The following CATSPERG variants were observed in gnomAD, a reference collection of about 807,000 sequenced individuals.
CATSPERG encodes the protein catsper channel auxiliary subunit gamma, also known as cation channel sperm-associated auxiliary subunit gamma.
A neutral mutation model predicts 145.0 loss-of-function variants in CATSPERG; 115 were observed. That is an observed-to-expected ratio of 0.79 (90% CI 0.68 to 0.93). The LOEUF (loss-of-function observed/expected upper bound fraction) is 0.93, where lower values mean the gene tolerates loss of function less well. Among genes scored for constraint, CATSPERG ranks in the 40% least tolerant of loss-of-function variants. The pLI, the probability that CATSPERG is intolerant of heterozygous loss-of-function variation, is 0.00. For missense variants in CATSPERG, 1,296 were observed against 1,490.1 expected (o/e 0.87, Z 2.14); for synonymous variants, 588 against 589.0 (o/e 1.00, Z 0.02).
In CATSPERG at chr19:38,370,706, T is replaced by C; in HGVS notation, c.3394T>C (p.Ser1132Pro). The C allele has an allele frequency of 6.2e-7, 1 of 1,613,952 alleles. No individual in the cohort carries two copies. Among genetic ancestry groups the C allele is most frequent in the Non-Finnish European group, 8.5e-7 (1 of 1,179,990 alleles). ...CTCGAGCATGCCGTCTCTGAGACAT[T>C]CCAGGATGGGCTCCATGTTCAGCTC... The part of the protein sequence containing the change: ...GISSMPSLRH[S>P]RMGSMFSSRM... The change falls in exon 29 of 29, where the codon TCC becomes CCC. Residue 1132 changes from serine (S) to proline (P), a missense_variant. Coordinates refer to ENST00000409235, the MANE Select transcript of CATSPERG (RefSeq NM_021185.5).
intron 17 of CATSPERG, 70 bp from the exon 18 acceptor site, chr19:38,362,140 G>T (rs1434592822): frequency 2.7e-6 from 4 of 1,507,546 alleles, no homozygotes; most frequent in African/African-American, 1.4e-5. Context: ...AGGTGGTCTG[G>T]GGATGCCGCT....
chr19:38,363,584 T>A (rs944335588), intron 20 of CATSPERG, among the ~76,000 whole-genome samples: 7 of 151,372 alleles, frequency 4.6e-5, no homozygotes, highest in Non-Finnish European at 8.8e-5. Context: ...CAAAGGTCTC[T>A]GGTTTTCCTA....
intron 9 of CATSPERG, 101 bp from the exon 10 acceptor site, chr19:38,356,383 C>T (rs891417821): frequency 4.1e-6 from 4 of 965,978 alleles, no homozygotes; most frequent in Admixed American, 3.7e-5. Flanking sequence ...ATCCCAAGGA[C>T]GGAGGGGCTG....
At chr19:38,351,962 A>G (rs1327970710) in intron 7 of CATSPERG, among the ~76,000 whole-genome samples, 1 of 152,106 alleles carries the variant, frequency 6.6e-6, no homozygotes, top group Non-Finnish European at 1.5e-5. Context: ...TAGGTATAAC[A>G]CTGACTGTAG....
At position 38,359,478 on chromosome 19, in the gene CATSPERG, A is replaced by G. The variant is rs371718026; in HGVS notation, c.1505A>G (p.Lys502Arg). 222 of 1,612,374 alleles carry G rather than the reference A, an allele frequency of 1.4e-4. No individual in the cohort carries two copies. The highest frequency in any genetic ancestry group is 1.8e-4 in the Non-Finnish European group (211 of 1,178,650). Residue 502 changes from lysine (K) to arginine (R), a missense_variant, in exon 14 of 29, where the codon AAG becomes AGG. By Grantham distance (26) the Lys-to-Arg change is conservative. Coordinates refer to ENST00000409235, the MANE Select transcript of CATSPERG (RefSeq NM_021185.5). ...WGNFLLQSSNKENFIYLADFP... is the reference protein window; with the variant it reads ...WGNFLLQSSNRENFIYLADFP... The stretch of plus-strand genomic sequence containing the variant: ...CATCTCTGTCCCTGCAGCTCTAACA[A>G]GGAAAACTTCATCTACCTGGCAGAC...
At chr19:38,362,689 T>G (rs1234478125) in intron 19 of CATSPERG, 25 bp from the exon 20 acceptor site, 2 of 1,612,360 alleles carry the variant, frequency 1.2e-6, no homozygotes, top group Admixed American at 3.3e-5. Flanking sequence ...AGGGAGGCCT[T>G]AACCCCGTTT....
intron 3 of CATSPERG, 133 bp from the exon 4 acceptor site, chr19:38,343,447 C>A: frequency 1.2e-6 from 1 of 806,524 alleles, no homozygotes; most frequent in Non-Finnish European, 1.9e-6. Context: ...AGACCATGTC[C>A]TCTGACCATC....
At chr19:38,355,389 G>T (rs914103052) in intron 9 of CATSPERG, among the ~76,000 whole-genome samples, 4 of 146,124 alleles carry the variant, frequency 2.7e-5, no homozygotes, top group Non-Finnish European at 6.0e-5. Context: ...AATAGCAGAA[G>T]CCCAATTCAA....
chr19:38,336,448 C>G, intron 1 of CATSPERG: 1 of 300,924 alleles, frequency 3.3e-6, no homozygotes, highest in South Asian at 2.6e-5. Flanking sequence ...AGTAGGGGCG[C>G]GGTCAGGAGC....
At chr19:38,344,555 G>C (rs531422267) in intron 6 of CATSPERG, among the ~76,000 whole-genome samples, 187 bp downstream of exon 6, 171 of 152,110 alleles carry the variant, frequency 1.1e-3, no homozygotes, top group African/African-American at 3.8e-3. Flanking sequence ...CCATTATAAA[G>C]AGGAGAAAAC....
At chr19:38,361,206 T>C (rs563041610) in intron 16 of CATSPERG, among the ~76,000 whole-genome samples, 1 of 152,058 alleles carries the variant, frequency 6.6e-6, no homozygotes, top group African/African-American at 2.4e-5. Flanking sequence ...GGGCTTCATC[T>C]TGAGGGTCTT....
intron 3 of CATSPERG, among the ~76,000 whole-genome samples, chr19:38,342,216 A>AAAATAAAT (rs202060544): frequency 0.013 from 2,005 of 148,622 alleles, 20 homozygotes; most frequent in Middle Eastern, 0.031. Context: ...TCCCATGTAA[A>AAAATAAAT]AAATAAATAA....
intron 7 of CATSPERG, among the ~76,000 whole-genome samples, chr19:38,351,287 C>A (rs1269547992): frequency 2.0e-5 from 3 of 151,086 alleles, no homozygotes; most frequent in Non-Finnish European, 4.4e-5. Flanking sequence ...TAGCAAGACT[C>A]CCGTCTACAC....
chr19:38,336,211 G>A (rs1408462505), intron 1 of CATSPERG: 1 of 456,478 alleles, frequency 2.2e-6, no homozygotes, highest in South Asian at 1.5e-5. Flanking sequence ...GACTCAAGAA[G>A]GTGCCGGCTA....
Position 38,352,512 on chromosome 19 carries a change from A to T in CATSPERG, c.997+80A>T, listed in dbSNP as rs1171590933. 5.7e-6 allele frequency: 8 copies of T among 1,398,542 alleles called. No individual in the cohort carries two copies. In the Admixed American group the frequency reaches 1.0e-4, roughly 17 times the overall value. 86.6% of individuals were successfully genotyped at this position (1,398,542 alleles called of 1,614,324 possible). ...CCACTGAAGGTGGCTGGGGGCTGGA[A>T]TTGCTGTGGGTGAGGCATTGGGGAA... On this transcript the variant is annotated intron_variant, in intron 8 of 28. Transcript: ENST00000409235.
At chr19:38,360,427 T>C in intron 14 of CATSPERG, 62 bp from the exon 15 acceptor site, 1 of 1,598,312 alleles carries the variant, frequency 6.3e-7, no homozygotes, top group African/African-American at 1.3e-5. Flanking sequence ...GGGCAGAGGG[T>C]GAGGTGGGAT....
chr19:38,352,507 C>A, intron 8 of CATSPERG, 75 bp downstream of exon 8: 1 of 1,339,014 alleles, frequency 7.5e-7, no homozygotes, highest in Non-Finnish European at 1.0e-6. Flanking sequence ...TGGCTGGGGG[C>A]TGGAATTGCT....
In CATSPERG at chr19:38,367,300, C is replaced by G; in HGVS notation, c.2758C>G (p.Leu920Val). 1 of 1,612,042 alleles carries G rather than the reference C, an allele frequency of 6.2e-7. No homozygotes were observed. Among genetic ancestry groups the G allele is most frequent in the Non-Finnish European group, 8.5e-7 (1 of 1,179,658 alleles). ...VNVNPEMPCF[L>V]FRDIFYPFFL... ...CGTGAACCCGGAGATGCCCTGCTTT[C>G]TCTTCCGGGACAGTGTGTGTCCAGT... Residue 920 changes from leucine (L) to valine (V), a missense_variant, in exon 23 of 29, where the codon CTC becomes GTC. Physicochemically the swap from Leu to Val is conservative, Grantham distance 32. Coordinates refer to ENST00000409235, the MANE Select transcript of CATSPERG (RefSeq NM_021185.5).
rs776736899 is a variant in CATSPERG at position 38,370,520 on chromosome 19, C to G, written c.3214-6C>G. 2.5e-6 allele frequency: 4 copies of G among 1,614,028 alleles called. No homozygotes were observed. In the Admixed American group the frequency reaches 6.7e-5, roughly 27 times the overall value. ...CAACTCCTTACTCATTCTTTGCTCC[C>G]TGCAGGTGTCAGCTAGCGTGTTTGT... On this transcript the variant is annotated splice_region_variant and splice_polypyrimidine_tract_variant and intron_variant, in intron 28 of 28. Transcript: ENST00000409235.
Sources: gnomAD v4.1 joint callset for allele counts (sites outside exome capture counted in the v4.1 genomes callset) on GRCh38, gnomAD v4.1.1 for gene constraint, MANE v1.5 for transcripts, NCBI Gene and HGNC (gene_info 2026-07-23, HGNC 2026-07-21) for gene names.